Variants in ART3 observed in about 807,000 individuals in gnomAD.
The protein encoded by ART3 is ADP-ribosyltransferase 3 (inactive).
In ART3, 49 loss-of-function variants were observed where a neutral mutation model predicts 48.5. That is an observed-to-expected ratio of 1.01 (90% CI 0.80 to 1.28). The LOEUF (loss-of-function observed/expected upper bound fraction) is 1.28, where lower values mean the gene tolerates loss of function less well. Among genes scored for constraint, ART3 ranks in the 50% most tolerant of loss-of-function variants. The pLI is 0.00. For synonymous variants in ART3, 145 were observed against 157.2 expected (o/e 0.92, Z 0.58); for missense variants, 438 against 454.3 (o/e 0.96, Z 0.33).
chr4:76,044,784 C>T (rs1486137408), intron 1 of ART3, among the ~76,000 whole-genome samples: 1 of 151,842 alleles, frequency 6.6e-6, no homozygotes, highest in Non-Finnish European at 1.5e-5. Context: ...CTTTCCCTAC[C>T]TCTGCCAGCC....
intron 9 of ART3, 46 bp from the exon 10 acceptor site, chr4:76,104,551 T>C: frequency 6.4e-7 from 1 of 1,551,354 alleles, no homozygotes. Flanking sequence ...AAAATTATAC[T>C]CAGTGGAGCA....
chr4:76,110,206 G>A (rs4241585), intron 11 of ART3, among the ~76,000 whole-genome samples: 29,494 of 151,926 alleles, frequency 0.19, 2,978 homozygotes, highest in East Asian at 0.41. Context: ...ACTGTGGATC[G>A]AAAATATTTG....
At chr4:76,039,347 A>G (rs1734740355) in intron 1 of ART3, among the ~76,000 whole-genome samples, 1 of 152,120 alleles carries the variant, frequency 6.6e-6, no homozygotes, top group African/African-American at 2.4e-5. Context: ...GGCTGTTATA[A>G]ACTAGGTATT....
intron 3 of ART3, among the ~76,000 whole-genome samples, chr4:76,089,108 TAAC>T (rs1330554532): frequency 1.3e-5 from 2 of 152,234 alleles, no homozygotes; most frequent in African/African-American, 4.8e-5. Flanking sequence ...ATTTTATTCT[TAAC>T]AATAATTACT....
At chr4:76,045,727 T>C (rs1578304836) in intron 1 of ART3, among the ~76,000 whole-genome samples, 2 of 151,990 alleles carry the variant, frequency 1.3e-5, no homozygotes, top group Non-Finnish European at 2.9e-5. Flanking sequence ...CTGGTTCCCT[T>C]TCAACTAGAT....
chr4:76,037,676 TATTA>T (rs750941797), intron 1 of ART3, among the ~76,000 whole-genome samples: 5 of 152,162 alleles, frequency 3.3e-5, no homozygotes, highest in Admixed American at 1.3e-4. Context: ...TACATTTTGA[TATTA>T]ATTCTTAAAA....
At chr4:76,107,841 T>C (rs766169318) in intron 11 of ART3, 48 bp downstream of exon 11, 40 of 1,407,990 alleles carry the variant, frequency 2.8e-5, no homozygotes, top group Non-Finnish European at 3.7e-5. Flanking sequence ...GCTTCTGTAA[T>C]ATAGAAAAAG....
intron 2 of ART3, among the ~76,000 whole-genome samples, chr4:76,080,335 A>T (rs1184705180): frequency 6.6e-6 from 1 of 152,124 alleles, no homozygotes; most frequent in Non-Finnish European, 1.5e-5. Flanking sequence ...ATACAAAAAA[A>T]CCACATCACA....
chr4:76,108,905 A>G (rs1729113573), intron 11 of ART3, among the ~76,000 whole-genome samples: 1 of 152,204 alleles, frequency 6.6e-6, no homozygotes, highest in South Asian at 2.1e-4. Context: ...TGGTAAAAAT[A>G]TAAAAGATAA....
At chr4:76,054,824 C>T (rs1004958367) in intron 1 of ART3, among the ~76,000 whole-genome samples, 21 of 152,186 alleles carry the variant, frequency 1.4e-4, no homozygotes, top group African/African-American at 4.8e-4. Context: ...CAGAGTGAAA[C>T]CCTGTCTCAA....
chr4:76,019,122 T>A (rs1732525932), intron 1 of ART3, among the ~76,000 whole-genome samples: 1 of 150,414 alleles, frequency 6.6e-6, no homozygotes, highest in African/African-American at 2.4e-5. Context: ...CATAATAAGA[T>A]TCTTTGTGAA....
chr4:76,104,084 A>C (rs1578605360), intron 9 of ART3, 115 bp downstream of exon 9: 139 of 1,155,908 alleles, frequency 1.2e-4, no homozygotes, highest in Middle Eastern at 2.0e-4. Flanking sequence ...CCTTATAGCT[A>C]CCTGCCAGTC....
chr4:76,049,083 T>G (rs975218258), intron 1 of ART3, among the ~76,000 whole-genome samples: 2 of 151,946 alleles, frequency 1.3e-5, no homozygotes, highest in Admixed American at 1.3e-4. Context: ...TCAGGAGGGA[T>G]CCTAAAATTC....
rs993836989 is a variant in ART3, at chr4:76,043,383, C to T, written c.-10+32063C>T. On this transcript the variant is annotated intron_variant, in intron 1 of 9. Coordinates refer to the ART3 transcript ENST00000341029. ...AGGGAGGCTCGGGCCACACAGGAGC[C>T]CATGGAGGGGGTGGGAGGCTCAGGC... 9.2e-5 allele frequency among the ~76,000 whole-genome samples: 14 copies of T among 152,116 alleles called. No homozygotes were observed. In the East Asian group the frequency reaches 2.7e-3, roughly 29 times the overall value.
intron 11 of ART3, among the ~76,000 whole-genome samples, chr4:76,111,606 A>G (rs544456627): frequency 6.6e-6 from 1 of 152,220 alleles, no homozygotes; most frequent in Admixed American, 6.5e-5. Context: ...GCAGTGGTGC[A>G]ATCTCTGCTC....
intron 4 of ART3, 26 bp from the exon 5 acceptor site, chr4:76,098,929 G>A: frequency 6.3e-7 from 1 of 1,585,430 alleles, no homozygotes; most frequent in African/African-American, 1.3e-5. Flanking sequence ...ATAGTACCAT[G>A]TAATGAAAAC....
At position 76,082,548 on chromosome 4, in the gene ART3, T is replaced by G; in HGVS notation, c.781+13T>G. On this transcript the variant is annotated intron_variant, in intron 3 of 11. Transcript: ENST00000355810. The stretch of plus-strand genomic sequence containing the variant: ...GCATTTCTAGGTGGTAAGTGTCTGC[T>G]CTGTCTGTGCTTGGCTGGGAGGGAA... 6.5e-7 allele frequency: 1 copy of G among 1,549,464 alleles called. No homozygotes were observed. The highest frequency in any genetic ancestry group is 1.2e-5 in the South Asian group (1 of 80,636).
At chr4:76,069,327 C>A (rs912998555) in intron 1 of ART3, among the ~76,000 whole-genome samples, 2 of 150,820 alleles carry the variant, frequency 1.3e-5, no homozygotes, top group Non-Finnish European at 2.9e-5. Flanking sequence ...AATCTACTTT[C>A]TGTCTGTATA....
chr4:76,110,037 T>G lies in ART3; in HGVS notation c.1036+2244T>G, dbSNP rs116717125. Among the ~76,000 whole-genome samples, 970 of 152,316 alleles carry G rather than the reference T, an allele frequency of 6.4e-3. 23 individuals carry two copies. The highest frequency in any genetic ancestry group is 0.022 in the African/African-American group (926 of 41,566). On this transcript the variant is annotated intron_variant, in intron 11 of 11. Coordinates refer to ENST00000355810, the MANE Select transcript of ART3 (RefSeq NM_001130016.3). The stretch of plus-strand genomic sequence containing the variant: ...AGTTTATCCTGTGGATGGACTCCAC[T>G]GCTCCTCTCCACTAGTTCAAATGAA...
Sources: gnomAD v4.1 joint callset for allele counts (sites outside exome capture counted in the v4.1 genomes callset) on GRCh38, gnomAD v4.1.1 for gene constraint, MANE v1.5 for transcripts, NCBI Gene and HGNC (gene_info 2026-07-23, HGNC 2026-07-21) for gene names.